ARMS2: variants seen among roughly 807,000 people sequenced by gnomAD.
ARMS2 encodes the protein age-related maculopathy susceptibility 2.
ARMS2 carries 4 observed loss-of-function variants against 6.0 expected under a neutral mutation model. The ratio of observed to expected loss-of-function variants is 0.67; its 90% CI spans 0.33 to 1.53. ARMS2 has a LOEUF of 1.53. Ranked by LOEUF, ARMS2 falls within the 40% of genes most tolerant of loss-of-function variation. The pLI is 0.06. For synonymous variants in ARMS2, 49 were observed against 51.7 expected (o/e 0.95, Z 0.22); for missense variants, 99 against 127.6 (o/e 0.78, Z 1.08).
At chr10:122,457,346 CCTTGCACTTGCTGCATTTCAAATG>C (rs1251201058) in exon 2 of ARMS2, 1 of 108,594 alleles carries the variant, frequency 9.2e-6, no homozygotes, top group Non-Finnish European at 1.8e-5. Context: ...TTCAGATCAT[CCTTGCACTTGCTGCATTTCAAATG>C]CTTGGCAGTC....
Position 122,454,904 on chromosome 10 carries a change from G to A in ARMS2, c.177G>A (p.Leu59=). The change falls in exon 1 of 2, where the codon CTG becomes CTA. Residue 59 remains leucine, a synonymous_variant. Coordinates refer to ENST00000528446, the MANE Select transcript of ARMS2 (RefSeq NM_001099667.3). ...CCAGTGACAAGCAGAGGAGCAAACT[G>A]TCTTTATCACACTCCATGATCCCAG... is the stretch of plus-strand genomic sequence containing the variant. ...EGASDKQRSK[L]SLSHSMIPAA... 6.2e-7 allele frequency: 1 copy of A among 1,613,920 alleles called. No individual in the cohort carries two copies. Among genetic ancestry groups the A allele is most frequent in the Non-Finnish European group, 8.5e-7 (1 of 1,179,844 alleles).
At position 122,454,785 on chromosome 10, in the gene ARMS2, G is replaced by C. The variant is rs1377596562; in HGVS notation, c.58G>C (p.Glu20Gln). The change falls in exon 1 of 2, where the codon GAG becomes CAG. Residue 20 changes from glutamate to glutamine, a missense_variant. By Grantham distance (29) the Glu-to-Gln change is conservative. Coordinates refer to ENST00000528446, the MANE Select transcript of ARMS2 (RefSeq NM_001099667.3). ...TGAGGCGGAGGGGAAAGGAGGGCCT[G>C]AGATGGCAAGTCTGTCCTCCTCGGT... Reference protein sequence around the residue: ...VTEAEGKGGPEMASLSSSVVP... With the variant: ...VTEAEGKGGPQMASLSSSVVP... 1.2e-6 allele frequency: 2 copies of C among 1,614,034 alleles called. No individual in the cohort carries two copies. The highest frequency in any genetic ancestry group is 2.2e-5 in the South Asian group (2 of 91,088).
rs747233108 is a variant in ARMS2 at position 122,454,695 on chromosome 10, C to A, written c.-33C>A. 2 of 1,600,614 alleles carry A rather than the reference C, an allele frequency of 1.2e-6. No individual in the cohort carries two copies. Among genetic ancestry groups the A allele is most frequent in the Non-Finnish European group, 1.7e-6 (2 of 1,170,528 alleles). ...CAGCTGGCTTGGCAAGGGGACAGCA[C>A]CTTTGTCACCACATTATGTCCCTGT... is the stretch of plus-strand genomic sequence containing the variant. On this transcript the variant is annotated 5_prime_UTR_variant, in exon 1 of 2. Coordinates refer to ENST00000528446, the MANE Select transcript of ARMS2 (RefSeq NM_001099667.3).
chr10:122,454,779 G>C lies in ARMS2; in HGVS notation c.52G>C (p.Gly18Arg). The C allele has an allele frequency of 6.2e-7, 1 of 1,613,998 alleles. No individual in the cohort carries two copies. The highest frequency in any genetic ancestry group is 8.5e-7 in the Non-Finnish European group (1 of 1,179,898). The change falls in exon 1 of 2, where the codon GGG (glycine) becomes CGG (arginine). Residue 18 changes from glycine (G) to arginine (R), a missense_variant. Transcript: ENST00000528446. Reference sequence around the variant, plus strand: ...GGTAACTGAGGCGGAGGGGAAAGGAGGGCCTGAGATGGCAAGTCTGTCCTC... The same window carrying C: ...GGTAACTGAGGCGGAGGGGAAAGGACGGCCTGAGATGGCAAGTCTGTCCTC... ...PMVTEAEGKGGPEMASLSSSV... is the reference protein window; with the variant it reads ...PMVTEAEGKGRPEMASLSSSV...
chr10:122,456,075 G>A (rs754283853), intron 1 of ARMS2, among the ~76,000 whole-genome samples: 47 of 152,136 alleles, frequency 3.1e-4, no homozygotes, highest in Non-Finnish European at 6.3e-4. Context: ...TAGGGGAAGG[G>A]TTCGCCTAAA....
intron 1 of ARMS2, 88 bp downstream of exon 1, chr10:122,455,112 C>A (rs1029957352): frequency 5.4e-6 from 4 of 740,958 alleles, no homozygotes; most frequent in Non-Finnish European, 8.9e-6. Flanking sequence ...TTTTAACCAG[C>A]CTTCAGGTGC....
chr10:122,455,915 C>T (rs914949555), intron 1 of ARMS2, among the ~76,000 whole-genome samples: 1 of 151,976 alleles, frequency 6.6e-6, no homozygotes, highest in African/African-American at 2.4e-5. Flanking sequence ...CGGTGGCTGC[C>T]TGGGGCTCTG....
chr10:122,456,859 G>C (rs7912343), intron 1 of ARMS2, 48 bp from the exon 2 acceptor site: 21 of 1,488,032 alleles, frequency 1.4e-5, no homozygotes, highest in South Asian at 2.5e-5. Context: ...CTAAAATATC[G>C]TCATGTGTCT....
Position 122,455,406 on chromosome 10 carries a change from CG to C in ARMS2, c.297+385del, listed in dbSNP as rs374401540. On this transcript the variant is annotated intron_variant, in intron 1 of 1. Coordinates refer to ENST00000528446, the MANE Select transcript of ARMS2 (RefSeq NM_001099667.3). ...TGGAAACCTCAGCCTGCTTCTCGTC[CG>C]GGTTGTTAGAGGAGTCATTTAGAAA... Among the ~76,000 whole-genome samples, 649 of 152,196 alleles carry C rather than the reference CG, an allele frequency of 4.3e-3. 5 individuals carry two copies. The highest frequency in any genetic ancestry group is 0.015 in the African/African-American group (606 of 41,520).
intron 1 of ARMS2, among the ~76,000 whole-genome samples, chr10:122,456,170 G>T (rs12262759): frequency 0.043 from 6,542 of 151,846 alleles, 473 homozygotes; most frequent in African/African-American, 0.15. Flanking sequence ...CAGGCCTGGG[G>T]TTGGCTTTTA....
At chr10:122,456,591 T>A (rs947798887) in intron 1 of ARMS2, among the ~76,000 whole-genome samples, 2 of 151,360 alleles carry the variant, frequency 1.3e-5, no homozygotes, top group African/African-American at 4.9e-5. Context: ...GAGGTGGAGG[T>A]TGCAGTGAGC....
In ARMS2 at chr10:122,456,971, C is replaced by T; in HGVS notation, c.*38C>T. 1 of 1,551,262 alleles carries T rather than the reference C, an allele frequency of 6.4e-7. No homozygotes were observed. Among genetic ancestry groups the T allele is most frequent in the South Asian group, 1.2e-5 (1 of 83,956 alleles). ...ATATCTCCTTAAAAGCCAACTGGAG[C>T]TTCTCATCAGCATCAATGTGAAGCC... On this transcript the variant is annotated 3_prime_UTR_variant, in exon 2 of 2. Coordinates refer to ENST00000528446, the MANE Select transcript of ARMS2 (RefSeq NM_001099667.3).
rs1591018648 is a variant in ARMS2 at position 122,456,915 on chromosome 10, C to T, written c.306C>T (p.Ile102=). 1 of 1,551,142 alleles carries T rather than the reference C, an allele frequency of 6.4e-7. No individual in the cohort carries two copies. Among genetic ancestry groups the T allele is most frequent in the Non-Finnish European group, 8.7e-7 (1 of 1,146,844 alleles). ...ATCTATTTTTTTTTCAGTCTATCAT[C>T]CACACTGCAGCAAGGTGATTCTGCC... ...QPQHHLTLSI[I]HTAAR Residue 102 remains isoleucine (I), a synonymous_variant, in exon 2 of 2, where the codon ATC becomes ATT. Transcript: ENST00000528446.
In ARMS2 at chr10:122,454,925, C is replaced by G; in HGVS notation, c.198C>G (p.Ile66Met). The G allele has an allele frequency of 6.2e-7, 1 of 1,613,908 alleles. No individual in the cohort carries two copies. The highest frequency in any genetic ancestry group is 8.5e-7 in the Non-Finnish European group (1 of 1,179,860). Residue 66 changes from isoleucine to methionine, a missense_variant, in exon 1 of 2, where the codon ATC becomes ATG. Transcript: ENST00000528446. The stretch of plus-strand genomic sequence containing the variant: ...AACTGTCTTTATCACACTCCATGAT[C>G]CCAGCTGCTAAAATCCACACTGAGC... ...RSKLSLSHSM[I>M]PAAKIHTELC...
At chr10:122,455,727 C>G (rs1025926970) in intron 1 of ARMS2, among the ~76,000 whole-genome samples, 8 of 152,080 alleles carry the variant, frequency 5.3e-5, no homozygotes, top group Admixed American at 5.2e-4. Flanking sequence ...AGGTTGAACC[C>G]CTTCCCTCTC....
rs2672602 is a variant in ARMS2 at position 122,457,309 on chromosome 10, T to C, written c.*376T>C. On this transcript the variant is annotated 3_prime_UTR_variant, in exon 2 of 2. Transcript: ENST00000528446. ...TTGCCCTCCTTTCTCTCCCGGGTGA[T>C]AGGCATTAACTAAAATTAAATAAAA... 0.13 allele frequency: 25,019 copies of C among 194,088 alleles called. 2,844 individuals are homozygous for C. The highest frequency in any genetic ancestry group is 0.18 in the Non-Finnish European group (17,670 of 100,132). 12.0% of individuals were successfully genotyped at this position (194,088 alleles called of 1,614,324 possible).
chr10:122,456,923 C>CAGCAAGGTGATTCTGCCA lies in ARMS2; in HGVS notation c.316_*9dup. ...TTTTTTCAGTCTATCATCCACACTG[C>CAGCAAGGTGATTCTGCCA]AGCAAGGTGATTCTGCCAAAACATA... On this transcript the variant is annotated stop_gained and inframe_insertion, in exon 2 of 2. Transcript: ENST00000528446. LOFTEE classifies it high-confidence loss of function. 1 of 1,551,412 alleles carries CAGCAAGGTGATTCTGCCA rather than the reference C, an allele frequency of 6.4e-7. No individual in the cohort carries two copies. Among genetic ancestry groups the CAGCAAGGTGATTCTGCCA allele is most frequent in the Non-Finnish European group, 8.7e-7 (1 of 1,146,900 alleles).
At chr10:122,455,898 G>C (rs191256227) in intron 1 of ARMS2, among the ~76,000 whole-genome samples, 1 of 152,042 alleles carries the variant, frequency 6.6e-6, no homozygotes, top group Non-Finnish European at 1.5e-5. Flanking sequence ...TGTCATTCAA[G>C]ACCTTTCGGT....
At position 122,456,895 on chromosome 10, in the gene ARMS2, T is replaced by C. The variant is rs546339512; in HGVS notation, c.298-12T>C. The stretch of plus-strand genomic sequence containing the variant: ...TTAAAAATGCATATTACTAAATCTA[T>C]TTTTTTTTCAGTCTATCATCCACAC... On this transcript the variant is annotated splice_polypyrimidine_tract_variant and intron_variant, in intron 1 of 1. Transcript: ENST00000528446. 1 of 1,515,724 alleles carries C rather than the reference T, an allele frequency of 6.6e-7. No homozygotes were observed. Among genetic ancestry groups the C allele is most frequent in the Non-Finnish European group, 8.9e-7 (1 of 1,121,990 alleles). 93.9% of individuals were successfully genotyped at this position (1,515,724 alleles called of 1,614,324 possible). A position where few individuals can be genotyped will look rare whatever the true frequency, so the allele number is the denominator to read the frequency against.
Sources: allele counts gnomAD v4.1 joint callset (sites outside exome capture counted in the v4.1 genomes callset), GRCh38; gene constraint gnomAD v4.1.1; transcripts MANE v1.5; gene names NCBI Gene and HGNC (gene_info 2026-07-23, HGNC 2026-07-21).